The following COL6A3 variants were observed in gnomAD, a reference collection of about 807,000 sequenced individuals.
COL6A3 encodes collagen type VI alpha 3 chain, also known as collagen alpha-3(VI) chain.
COL6A3 carries 137 observed loss-of-function variants against 274.1 expected under a neutral mutation model. The ratio of observed to expected loss-of-function variants is 0.50; its 90% CI spans 0.44 to 0.58. The LOEUF (loss-of-function observed/expected upper bound fraction) is 0.58, where lower values mean the gene tolerates loss of function less well. Among genes scored for constraint, COL6A3 ranks in the 20% least tolerant of loss-of-function variants. The probability of loss-of-function intolerance (pLI) is 0.00; values close to 1 mark genes in which losing one functional copy is unlikely to be tolerated. For synonymous variants in COL6A3, 1,650 were observed against 1,650.6 expected (o/e 1.00, Z 0.01); for missense variants, 3,950 against 4,124.9 (o/e 0.96, Z 1.16).
chr2:237,348,306 T>A, intron 30 of COL6A3, 43 bp downstream of exon 30: 1 of 1,551,218 alleles, frequency 6.4e-7, no homozygotes, highest in Non-Finnish European at 8.9e-7. Context: ...ACCAGAGCCA[T>A]CCCAAAATCA....
chr2:237,409,759 G>A (rs1435110079), intron 1 of COL6A3, among the ~76,000 whole-genome samples: 1 of 152,192 alleles, frequency 6.6e-6, no homozygotes, highest in African/African-American at 2.4e-5. Context: ...CAAAGGACAT[G>A]TCACGAGCAC....
intron 7 of COL6A3, 129 bp from the exon 8 acceptor site, chr2:237,375,149 T>TG: frequency 7.3e-7 from 1 of 1,373,584 alleles, no homozygotes. Context: ...AAAAGGACTT[T>TG]GCAGATGTGA....
Position 237,361,101 on chromosome 2 carries a change from C to A in COL6A3, c.6210+20G>T. On this transcript the variant is annotated intron_variant, in intron 16 of 43. Transcript: ENST00000295550. The surrounding 1 kb of genome is among the most constrained non-coding windows in gnomAD (Gnocchi z 5.1). ...CAAGGAGGGGGTGAAATTTTAGGGA[C>A]TAAAACAATTTTTACTTACGGGTCC... The A allele has an allele frequency of 6.2e-7, 1 of 1,611,960 alleles. No homozygotes were observed. Among genetic ancestry groups the A allele is most frequent in the Non-Finnish European group, 8.5e-7 (1 of 1,178,050 alleles).
intron 40 of COL6A3, 66 bp from the exon 41 acceptor site, chr2:237,334,955 G>T: frequency 6.3e-7 from 1 of 1,584,922 alleles, no homozygotes; most frequent in Admixed American, 1.7e-5. Context: ...GCATGAGCGA[G>T]AGAGGAAATC....
intron 7 of COL6A3, 142 bp from the exon 8 acceptor site, chr2:237,375,162 C>T: frequency 7.8e-7 from 1 of 1,283,800 alleles, no homozygotes. Context: ...AGATGTGATT[C>T]AGGTAAGGAT....
chr2:237,359,808 C>T (rs1250368842), intron 17 of COL6A3, among the ~76,000 whole-genome samples: 2 of 152,228 alleles, frequency 1.3e-5, no homozygotes, highest in African/African-American at 4.8e-5. Context: ...TGGGCACCAG[C>T]CTACCCTCCG....
chr2:237,389,775 T>G (rs2078241234), intron 3 of COL6A3, among the ~76,000 whole-genome samples: 1 of 152,244 alleles, frequency 6.6e-6, no homozygotes, highest in Non-Finnish European at 1.5e-5. Flanking sequence ...GCAACATTGC[T>G]ATCACAATCC....
chr2:237,347,358 G>A (rs13398955), intron 31 of COL6A3, among the ~76,000 whole-genome samples: 9,721 of 152,262 alleles, frequency 0.064, 696 homozygotes, highest in African/African-American at 0.18. Flanking sequence ...TAAGGAAGAG[G>A]AATCTCAGCA....
rs375407168 is a variant in COL6A3 at position 237,363,219 on chromosome 2, C to T, written c.6063+34G>A. On this transcript the variant is annotated intron_variant, in intron 14 of 43. Coordinates refer to ENST00000295550, the MANE Select transcript of COL6A3 (RefSeq NM_004369.4). ...AATGCCAAAAGGTGTGGTATCTACA[C>T]TGGTCTGTGTATAAAGACATAAAAA... The T allele has an allele frequency of 9.9e-6, 16 of 1,609,840 alleles. No homozygotes were observed. In the African/African-American group the frequency reaches 2.0e-4, roughly 20 times the overall value.
intron 4 of COL6A3, among the ~76,000 whole-genome samples, chr2:237,383,220 G>A (rs75436323): frequency 7.9e-5 from 12 of 152,302 alleles, no homozygotes; most frequent in Non-Finnish European, 1.8e-4. Context: ...TCATCTGGGT[G>A]CTCACCTGTA....
At chr2:237,398,213 T>G (rs57151190) in intron 1 of COL6A3, among the ~76,000 whole-genome samples, 1 of 152,244 alleles carries the variant, frequency 6.6e-6, no homozygotes, top group South Asian at 2.1e-4. Context: ...CACAGTGGAA[T>G]GAGCCTGGGG....
intron 3 of COL6A3, among the ~76,000 whole-genome samples, chr2:237,391,612 A>C (rs1415972459): frequency 6.6e-6 from 1 of 152,082 alleles, no homozygotes; most frequent in East Asian, 1.9e-4. Context: ...GGCTCACTGC[A>C]ACCTCCACCT....
chr2:237,351,072 G>T, intron 27 of COL6A3, 58 bp downstream of exon 27: 2 of 1,500,184 alleles, frequency 1.3e-6, no homozygotes, highest in Admixed American at 1.7e-5. Context: ...AGGGAGAGGG[G>T]CATGTGTGCC....
chr2:237,371,740 G>A lies in COL6A3; in HGVS notation c.4277C>T (p.Pro1426Leu). The A allele has an allele frequency of 6.3e-7, 1 of 1,599,078 alleles. No homozygotes were observed. Among genetic ancestry groups the A allele is most frequent in the Non-Finnish European group, 8.5e-7 (1 of 1,169,920 alleles). ...IQKLLASTRY[P>L]PPAVESDAAD... is the part of the protein sequence containing the mutation. ...CGACGCCCCCATCTCACCTGGAGGT[G>A]GATAGCGAGTGCTGGCTAAGAGCTT... Residue 1426 changes from proline to leucine, a missense_variant, in exon 9 of 44, where the codon CCA becomes CTA. Physicochemically the swap from Pro to Leu is moderately conservative, Grantham distance 98. Coordinates refer to ENST00000295550, the MANE Select transcript of COL6A3 (RefSeq NM_004369.4). This position sits in a 1 kb window ranked among gnomAD's most constrained non-coding sequence, Gnocchi z 4.3.
In COL6A3 at chr2:237,344,253, T is replaced by C. The variant is rs1308639253; in HGVS notation, c.7668+97A>G. 5 of 1,584,416 alleles carry C rather than the reference T, an allele frequency of 3.2e-6. No homozygotes were observed. The highest frequency in any genetic ancestry group is 1.7e-4 in the Middle Eastern group (1 of 6,044). On this transcript the variant is annotated intron_variant, in intron 36 of 43. Transcript: ENST00000295550. This position sits in a 1 kb window ranked among gnomAD's most constrained non-coding sequence, Gnocchi z 4.8. The stretch of plus-strand genomic sequence containing the variant: ...CTCATTGGGGACGTTTTAGGAGCTA[T>C]GGGACATGAAGCCACAAAGGAGCAT...
intron 4 of COL6A3, among the ~76,000 whole-genome samples, chr2:237,383,704 G>C (rs1416182314): frequency 6.6e-6 from 1 of 152,086 alleles, no homozygotes; most frequent in Admixed American, 6.5e-5. Flanking sequence ...AAGTGGCCCA[G>C]ATTGTTATAT....
chr2:237,325,968 A>G (rs1192464513), intron 42 of COL6A3: 1 of 405,482 alleles, frequency 2.5e-6, no homozygotes, highest in Non-Finnish European at 4.4e-6. Context: ...CATAAACAGC[A>G]CTCAGAATCC....
At position 237,339,072 on chromosome 2, in the gene COL6A3, T is replaced by C; in HGVS notation, c.8510A>G (p.Asp2837Gly). Residue 2837 changes from aspartate (D) to glycine (G), a missense_variant, in exon 39 of 44, where the codon GAT becomes GGT. By Grantham distance (94) the Asp-to-Gly change is moderately conservative. Coordinates refer to ENST00000295550, the MANE Select transcript of COL6A3 (RefSeq NM_004369.4). ...TGTGGGTTGGTCCCCTTGGAACCAA[T>C]CACACTGTTTCCTGATATCTGGGGA... Reference protein sequence around the residue: ...YLSPDIRKQCDWFQGDQPTKN... With the variant: ...YLSPDIRKQCGWFQGDQPTKN... The C allele has an allele frequency of 6.2e-7, 1 of 1,614,120 alleles. No homozygotes were observed. Among genetic ancestry groups the C allele is most frequent in the Non-Finnish European group, 8.5e-7 (1 of 1,180,010 alleles).
chr2:237,359,110 G>T, intron 19 of COL6A3, 22 bp from the exon 20 acceptor site: 1 of 1,614,012 alleles, frequency 6.2e-7, no homozygotes, highest in Non-Finnish European at 8.5e-7. Context: ...AAGGATTAAA[G>T]GTCACACCTG....
Sources: gnomAD v4.1 joint callset for allele counts (sites outside exome capture counted in the v4.1 genomes callset) on GRCh38, gnomAD v4.1.1 for gene constraint, Gnocchi (gnomAD v3.1) non-coding constraint, MANE v1.5 for transcripts, NCBI Gene and HGNC (gene_info 2026-07-23, HGNC 2026-07-21) for gene names.